The following PCDHA12 variants were observed in gnomAD, a reference collection of about 807,000 sequenced individuals.
PCDHA12 encodes the protein protocadherin alpha 12, also known as protocadherin alpha-12.
A neutral mutation model predicts 60.0 loss-of-function variants in PCDHA12; 44 were observed. The observed-to-expected ratio is 0.73, with a 90% CI of 0.58 to 0.94. The LOEUF (loss-of-function observed/expected upper bound fraction) is 0.94. Among genes scored for constraint, PCDHA12 ranks in the 40% least tolerant of loss-of-function variants. The pLI is 0.00. For synonymous variants in PCDHA12, 569 were observed against 553.0 expected (o/e 1.03, Z -0.40); for missense variants, 1,276 against 1,239.7 (o/e 1.03, Z -0.44).
At chr5:140,964,118 C>G (rs1325218833) in intron 1 of PCDHA12, among the ~76,000 whole-genome samples, 1 of 151,942 alleles carries the variant, frequency 6.6e-6, no homozygotes, top group African/African-American at 2.4e-5. Flanking sequence ...CAATCACATT[C>G]TAACAACTAG....
At chr5:140,892,445 T>C (rs1177566356) in intron 1 of PCDHA12, among the ~76,000 whole-genome samples, 1 of 152,214 alleles carries the variant, frequency 6.6e-6, no homozygotes, top group Non-Finnish European at 1.5e-5. Context: ...AAAATTTACA[T>C]GTATTCTTTA....
chr5:140,929,736 T>A, intron 1 of PCDHA12: 1 of 201,874 alleles, frequency 5.0e-6, no homozygotes, highest in Non-Finnish European at 1.1e-5. Context: ...CTTAAACTAT[T>A]GCAATGCATT....
Position 140,978,960 on chromosome 5 carries a change from C to G in PCDHA12, c.2379C>G (p.Pro793=), listed in dbSNP as rs560855761. The G allele has an allele frequency of 2.6e-5, 42 of 1,614,120 alleles. No homozygotes were observed. The highest frequency in any genetic ancestry group is 2.5e-4 in the African/African-American group (19 of 75,024). The change falls in exon 2 of 4, where the codon CCC becomes CCG. Residue 793 remains proline, a synonymous_variant. Coordinates refer to ENST00000398631, the MANE Select transcript of PCDHA12 (RefSeq NM_018903.4). ...TTGTGATTTTGCAGCCACGACAGCC[C>G]AACCCTGACTGGCGTTACTCTGCCT... ...CLNPPSEPRQ[P]NPDWRYSASL...
chr5:141,008,526 G>A (rs2153997518), intron 3 of PCDHA12, among the ~76,000 whole-genome samples: 1 of 152,126 alleles, frequency 6.6e-6, no homozygotes, highest in Non-Finnish European at 1.5e-5. Flanking sequence ...TCAGACTCTT[G>A]GGAATGTCTT....
At chr5:140,987,124 G>T (rs2097230182) in intron 3 of PCDHA12, among the ~76,000 whole-genome samples, 1 of 151,678 alleles carries the variant, frequency 6.6e-6, no homozygotes, top group Non-Finnish European at 1.5e-5. Flanking sequence ...TGAGGCAGGA[G>T]AATTGCTTGA....
At chr5:140,937,869 G>A (rs1268422806) in intron 1 of PCDHA12, among the ~76,000 whole-genome samples, 1 of 150,376 alleles carries the variant, frequency 6.6e-6, no homozygotes, top group African/African-American at 2.5e-5. Flanking sequence ...CCGAGATCGC[G>A]CCACTGCACT....
chr5:141,004,369 C>T (rs1239142670), intron 3 of PCDHA12, among the ~76,000 whole-genome samples: 1 of 152,324 alleles, frequency 6.6e-6, no homozygotes, highest in South Asian at 2.1e-4. Context: ...ACACCTTGTT[C>T]TGCTCTGCGG....
intron 1 of PCDHA12, among the ~76,000 whole-genome samples, chr5:140,898,149 C>T (rs552851488): frequency 4.6e-4 from 70 of 152,244 alleles, no homozygotes; most frequent in African/African-American, 1.6e-3. Flanking sequence ...TGCCTGTTCA[C>T]GCTGATGGTG....
intron 3 of PCDHA12, among the ~76,000 whole-genome samples, chr5:140,990,141 C>A (rs2097376222): frequency 6.6e-6 from 1 of 151,818 alleles, no homozygotes; most frequent in African/African-American, 2.4e-5. Flanking sequence ...ACTCAAGAGG[C>A]ATAATAATAG....
chr5:140,883,746 C>A (rs1554179687), intron 1 of PCDHA12: 1 of 1,613,326 alleles, frequency 6.2e-7, no homozygotes, highest in Non-Finnish European at 8.5e-7. Context: ...GTCTCCTACT[C>A]GCTGGTGGAG....
At chr5:140,908,013 G>A (rs2073743163) in intron 1 of PCDHA12, among the ~76,000 whole-genome samples, 1 of 152,070 alleles carries the variant, frequency 6.6e-6, no homozygotes, top group Non-Finnish European at 1.5e-5. Context: ...CAAACCACTG[G>A]CTACAGCCCA....
intron 1 of PCDHA12, chr5:140,927,853 G>A: frequency 6.2e-7 from 1 of 1,614,214 alleles, no homozygotes. Flanking sequence ...CTTTGGTTTA[G>A]CTAGCACCGC....
chr5:140,988,516 G>A (rs1226381986), intron 3 of PCDHA12, among the ~76,000 whole-genome samples: 1 of 152,156 alleles, frequency 6.6e-6, no homozygotes, highest in African/African-American at 2.4e-5. Flanking sequence ...GCTTACTTAA[G>A]TCTCTGCTGG....
chr5:140,877,401 G>T lies in PCDHA12; in HGVS notation c.1929G>T (p.Pro643=), dbSNP rs183471635. 1 of 1,613,944 alleles carries T rather than the reference G, an allele frequency of 6.2e-7. No individual in the cohort carries two copies. The highest frequency in any genetic ancestry group is 2.2e-5 in the East Asian group (1 of 44,872). Residue 643 remains proline, a synonymous_variant, in exon 1 of 4, where the codon CCG becomes CCT. Coordinates refer to ENST00000398631, the MANE Select transcript of PCDHA12 (RefSeq NM_018903.4). ...GCATCCTGGATGAGGCGGACGCTCC[G>T]CGCCACCGCCTGCTGGTGCTGGTGA... The part of the protein sequence containing the change: ...TTRILDEADA[P]RHRLLVLVKD...
At chr5:140,906,045 T>C (rs1002159774) in intron 1 of PCDHA12, among the ~76,000 whole-genome samples, 3 of 152,194 alleles carry the variant, frequency 2.0e-5, no homozygotes, top group African/African-American at 7.2e-5. Flanking sequence ...GCTTTTATTC[T>C]GGCTGCACTG....
At chr5:140,939,629 A>G (rs1250529725) in intron 1 of PCDHA12, among the ~76,000 whole-genome samples, 5 of 152,248 alleles carry the variant, frequency 3.3e-5, no homozygotes, top group African/African-American at 1.2e-4. Context: ...AAGAAAATCA[A>G]TAAGGGTACT....
chr5:140,922,164 A>G lies in PCDHA12; in HGVS notation c.2367+44325A>G, dbSNP rs1382732959. Among the ~76,000 whole-genome samples the G allele has an allele frequency of 2.1e-5, 3 of 145,926 alleles. No individual in the cohort carries two copies. The East Asian group carries it at 6.4e-4, about 31-fold the overall frequency. Reference sequence around the variant, plus strand: ...CATGAAACTCATCAAAAACAACAAAAAGTACAGCAGACAAAAAAAAAGTCT... The same window carrying G: ...CATGAAACTCATCAAAAACAACAAAGAGTACAGCAGACAAAAAAAAAGTCT... On this transcript the variant is annotated intron_variant, in intron 1 of 3. Transcript: ENST00000398631.
At chr5:140,884,581 C>A in intron 1 of PCDHA12, 1 of 1,614,184 alleles carries the variant, frequency 6.2e-7, no homozygotes, top group African/African-American at 1.3e-5. Context: ...ACCTCATGGC[C>A]TTCAGTCCCA....
intron 1 of PCDHA12, among the ~76,000 whole-genome samples, chr5:140,962,537 A>G (rs1554226101): frequency 6.6e-6 from 1 of 152,208 alleles, no homozygotes; most frequent in Non-Finnish European, 1.5e-5. Context: ...TTTTAGAACT[A>G]AAAATGTAGA....
Sources: gnomAD v4.1 joint callset for allele counts (sites outside exome capture counted in the v4.1 genomes callset) on GRCh38, gnomAD v4.1.1 for gene constraint, MANE v1.5 for transcripts, NCBI Gene and HGNC (gene_info 2026-07-23, HGNC 2026-07-21) for gene names.